Variants in DNAH2 observed in about 807,000 individuals in gnomAD.
The protein encoded by DNAH2 is axonemal beta dynein heavy chain 2.
DNAH2 carries 323 observed loss-of-function variants against 523.5 expected under a neutral mutation model. The observed-to-expected ratio is 0.62, with a 90% CI of 0.56 to 0.68. DNAH2 has a LOEUF of 0.68. DNAH2 is among the 30% of genes least tolerant of loss of function. The pLI is 0.00. For synonymous variants in DNAH2, 2,093 were observed against 2,177.4 expected, an observed-to-expected ratio of 0.96 and a Z score of 1.08; for missense variants, 4,907 against 5,701.5, an observed-to-expected ratio of 0.86 and a Z score of 4.49.
intron 12 of DNAH2, among the ~76,000 whole-genome samples, chr17:7,749,246 TGTG>T (rs1240774757): frequency 1.5e-5 from 2 of 130,836 alleles, no homozygotes; most frequent in Non-Finnish European, 3.1e-5. Context: ...AGGCAGAGGT[TGTG>T]GTGAGCCGAG....
intron 28 of DNAH2, among the ~76,000 whole-genome samples, chr17:7,773,470 C>T (rs1345177899): frequency 1.3e-5 from 2 of 152,028 alleles, no homozygotes; most frequent in Non-Finnish European, 2.9e-5. Context: ...TACAGTGTCC[C>T]CCCCACCCAC....
intron 59 of DNAH2, 149 bp from the exon 60 acceptor site, chr17:7,804,809 G>C: frequency 1.5e-6 from 1 of 669,942 alleles, no homozygotes; most frequent in Admixed American, 2.9e-5. Context: ...TTGCACCACT[G>C]CACTCCAGCC....
intron 3 of DNAH2, among the ~76,000 whole-genome samples, chr17:7,726,288 G>A (rs939392212): frequency 3.5e-5 from 5 of 142,856 alleles, no homozygotes; most frequent in Admixed American, 7.4e-5. Flanking sequence ...TTACAGGCAT[G>A]AGCCACCATA....
At chr17:7,806,703 C>T (rs1329953792) in intron 61 of DNAH2, among the ~76,000 whole-genome samples, 1 of 148,838 alleles carries the variant, frequency 6.7e-6, no homozygotes, top group Non-Finnish European at 1.5e-5. Context: ...TGTATTGCTG[C>T]ATCCAAGGGC....
intron 8 of DNAH2, chr17:7,738,867 A>G (rs2075220489): frequency 2.9e-6 from 2 of 678,462 alleles, no homozygotes; most frequent in East Asian, 2.7e-5. Flanking sequence ...CTCCTGGTCT[A>G]GGTTTGCATA....
intron 20 of DNAH2, among the ~76,000 whole-genome samples, chr17:7,764,840 A>AT (rs35687021): frequency 0.11 from 2,969 of 26,264 alleles, 95 homozygotes; most frequent in Non-Finnish European, 0.15. Flanking sequence ...CAGCTTTTGG[A>AT]TTTTTTTTTT....
intron 77 of DNAH2, among the ~76,000 whole-genome samples, chr17:7,825,062 C>T (rs2077981816): frequency 6.6e-6 from 1 of 152,172 alleles, no homozygotes; most frequent in African/African-American, 2.4e-5. Flanking sequence ...AATAAGTATT[C>T]CAGAGCCAGA....
rs781723955 is a variant in DNAH2, at chr17:7,760,924, C to T, written c.2970C>T (p.Asp990=). 5.0e-6 allele frequency: 8 copies of T among 1,613,856 alleles called. No homozygotes were observed. In the Admixed American group the frequency reaches 1.2e-4, roughly 24 times the overall value. The part of the protein sequence containing the change: ...LNPPVSSFVA[D]IARYTEVANN... Reference sequence around the variant, plus strand: ...CTCCTGTCTCTTCTTTTGTTGCCGACATTGCCCGGTGAGTGGTGAGGGTGG... The same window carrying T: ...CTCCTGTCTCTTCTTTTGTTGCCGATATTGCCCGGTGAGTGGTGAGGGTGG... Residue 990 remains aspartate (D), a synonymous_variant, in exon 18 of 86, where the codon GAC becomes GAT. Transcript: ENST00000572933. The surrounding 1 kb of genome is among the most constrained non-coding windows in gnomAD (Gnocchi z 4.0).
chr17:7,740,626 G>A (rs2075284827), intron 10 of DNAH2, 77 bp downstream of exon 10: 8 of 1,584,348 alleles, frequency 5.0e-6, no homozygotes, highest in Non-Finnish European at 6.8e-6. Flanking sequence ...AGGCCCTCCT[G>A]CCTCCACGTG....
Position 7,734,488 on chromosome 17 carries a change from C to A in DNAH2, c.758C>A (p.Thr253Asn). ...CCTGCAGCCTCCATGATCCACTGGA[C>A]CCGGCAGATAAAGGAGATGCTCAGT... ...QRLETSMIHWTRQIKEMLSAQ... is the reference protein window; with the variant it reads ...QRLETSMIHWNRQIKEMLSAQ... The change falls in exon 7 of 86, where the codon ACC becomes AAC. Residue 253 changes from threonine (T) to asparagine (N), a missense_variant. Thr to Asn is a moderately conservative substitution (Grantham distance 65). Transcript: ENST00000572933. 1 of 1,613,766 alleles carries A rather than the reference C, an allele frequency of 6.2e-7. No individual in the cohort carries two copies. Among genetic ancestry groups the A allele is most frequent in the Non-Finnish European group, 8.5e-7 (1 of 1,179,962 alleles).
At position 7,796,638 on chromosome 17, in the gene DNAH2, C is replaced by A; in HGVS notation, c.7849C>A (p.Arg2617=). The change falls in exon 50 of 86, where the codon CGA becomes AGA. Residue 2617 remains arginine (R), a synonymous_variant. Transcript: ENST00000572933. The stretch of plus-strand genomic sequence containing the variant: ...CAAGATGCATTACCTCTTCAACCTT[C>A]GAGACATCTCCAAGGTGACTCGCGG... ...PTKMHYLFNL[R]DISKVFQGML... 6.2e-7 allele frequency: 1 copy of A among 1,612,138 alleles called. No homozygotes were observed. Among genetic ancestry groups the A allele is most frequent in the Non-Finnish European group, 8.5e-7 (1 of 1,179,476 alleles).
rs2076913949 is a variant in DNAH2 at position 7,792,115 on chromosome 17, C to T, written c.7053+46C>T. Reference sequence around the variant, plus strand: ...TCCTATTTGCCCTGTTTTTCCAGACCCCCTGGGCATCCCCCATCTCAGGCT... The same window carrying T: ...TCCTATTTGCCCTGTTTTTCCAGACTCCCTGGGCATCCCCCATCTCAGGCT... On this transcript the variant is annotated intron_variant, in intron 45 of 85. Transcript: ENST00000572933. 10 of 1,608,352 alleles carry T rather than the reference C, an allele frequency of 6.2e-6. No individual in the cohort carries two copies. In the East Asian group the frequency reaches 2.2e-4, roughly 36 times the overall value.
At position 7,733,247 on chromosome 17, in the gene DNAH2, C is replaced by G. The variant is rs1008155431; in HGVS notation, c.560C>G (p.Thr187Arg). The change falls in exon 5 of 86, where the codon ACA (threonine) becomes AGA (arginine). Residue 187 changes from threonine to arginine, a missense_variant. This residue lies in a region of DNAH2 where 2,806 missense variants were observed against 3,190.8 expected (regional missense o/e 0.88). Coordinates refer to ENST00000572933, the MANE Select transcript of DNAH2 (RefSeq NM_020877.5). Reference sequence around the variant, plus strand: ...TTTGCCCCTCAGATCTTTGCAAACACAGGCTGGCCTGAGAGCATTAGAAAT... The same window carrying G: ...TTTGCCCCTCAGATCTTTGCAAACAGAGGCTGGCCTGAGAGCATTAGAAAT... ...GVFAPQIFAN[T>R]GWPESIRNHF... 1 of 1,614,234 alleles carries G rather than the reference C, an allele frequency of 6.2e-7. No individual in the cohort carries two copies. Among genetic ancestry groups the G allele is most frequent in the African/African-American group, 1.3e-5 (1 of 75,056 alleles).
intron 50 of DNAH2, 75 bp from the exon 51 acceptor site, chr17:7,797,101 C>CCAA: frequency 4.6e-6 from 4 of 876,604 alleles, no homozygotes; most frequent in Non-Finnish European, 6.5e-6. Flanking sequence ...GACTCTGTCC[C>CCAA]AAAAAAAAAA....
chr17:7,724,742 C>CTTTTTTTTTTTT (rs57294591), intron 3 of DNAH2, among the ~76,000 whole-genome samples: 2 of 130,446 alleles, frequency 1.5e-5, no homozygotes, highest in Non-Finnish European at 1.6e-5. Context: ...TCATATGTTA[C>CTTTTTTTTTTTT]TTTTTTTTTT....
intron 12 of DNAH2, among the ~76,000 whole-genome samples, chr17:7,749,308 CA>C (rs57660603): frequency 7.9e-4 from 14 of 17,764 alleles, no homozygotes; most frequent in South Asian, 5.5e-3. Flanking sequence ...AACTCCCCCC[CA>C]AAAAAAAAAA....
At chr17:7,775,911 G>A (rs1049429118) in intron 30 of DNAH2, 113 bp from the exon 31 acceptor site, 19 of 1,417,634 alleles carry the variant, frequency 1.3e-5, no homozygotes, top group Middle Eastern at 2.4e-4. Context: ...GGCCATTCCC[G>A]CTTTTCTCTG....
At position 7,810,132 on chromosome 17, in the gene DNAH2, C is replaced by T. The variant is rs141545143; in HGVS notation, c.9729+2546C>T. On this transcript the variant is annotated intron_variant, in intron 63 of 85. Coordinates refer to ENST00000572933, the MANE Select transcript of DNAH2 (RefSeq NM_020877.5). ...AGACTGGAATGCAGTGGCGCAATCA[C>T]GACTCACTGCAGCCTTGACTTCCTG... Among the ~76,000 whole-genome samples the T allele has an allele frequency of 5.6e-3, 846 of 150,630 alleles. 11 individuals are homozygous for T. Among genetic ancestry groups the T allele is most frequent in the African/African-American group, 0.02 (804 of 40,936 alleles).
Position 7,830,199 on chromosome 17 carries a change from C to T in DNAH2, c.11854-101C>T, listed in dbSNP as rs550700041. ...CCTCCACTCACCCTTTCAGCCAGTG[C>T]CTTTGTGCAATGAAGAACCTCCACA... On this transcript the variant is annotated intron_variant, in intron 77 of 85. Transcript: ENST00000572933. 12 of 1,288,144 alleles carry T rather than the reference C, an allele frequency of 9.3e-6. No homozygotes were observed. The South Asian group carries it at 1.4e-4, about 15-fold the overall frequency. 79.8% of individuals were successfully genotyped at this position (1,288,144 alleles called of 1,614,324 possible). A position where few individuals can be genotyped will look rare whatever the true frequency, so the allele number is the denominator to read the frequency against.
Sources: allele counts gnomAD v4.1 joint callset (sites outside exome capture counted in the v4.1 genomes callset), GRCh38; gene constraint gnomAD v4.1.1; regional missense constraint gnomAD v4.1.1; non-coding constraint Gnocchi (gnomAD v3.1); transcripts MANE v1.5; gene names NCBI Gene and HGNC (gene_info 2026-07-23, HGNC 2026-07-21).